The following ZNF45 variants were observed in gnomAD, a reference collection of about 807,000 sequenced individuals.
The protein encoded by ZNF45 is zinc finger protein 45.
ZNF45 carries 4 observed loss-of-function variants against 12.0 expected under a neutral mutation model. That is an observed-to-expected ratio of 0.33 (90% CI 0.16 to 0.76). The LOEUF (loss-of-function observed/expected upper bound fraction) is 0.76, where lower values mean the gene tolerates loss of function less well. Among genes scored for constraint, ZNF45 ranks in the 30% least tolerant of loss-of-function variants. The pLI is 0.60. For missense variants in ZNF45, 700 were observed against 813.0 expected, an observed-to-expected ratio of 0.86 and a Z score of 1.69; for synonymous variants, 272 against 279.6, an observed-to-expected ratio of 0.97 and a Z score of 0.27.
chr19:43,926,951 TAA>T (rs1973728477), intron 3 of ZNF45, among the ~76,000 whole-genome samples: 1 of 151,932 alleles, frequency 6.6e-6, no homozygotes, highest in African/African-American at 2.4e-5. Context: ...GAAAGGAGAG[TAA>T]AAAGATTCCT....
intron 8 of ZNF45, 71 bp from the exon 9 acceptor site, chr19:43,919,033 T>A: frequency 7.9e-7 from 1 of 1,272,268 alleles, no homozygotes; most frequent in Non-Finnish European, 1.1e-6. Context: ...ATTATTGTCC[T>A]CATTTCATCG....
intron 3 of ZNF45, 167 bp downstream of exon 3, chr19:43,932,437 T>C (rs1255300013): frequency 3.3e-5 from 5 of 152,180 alleles, no homozygotes; most frequent in Non-Finnish European, 7.3e-5. Context: ...TTATCCACAA[T>C]TGTTCATCAA....
At position 43,914,799 on chromosome 19, in the gene ZNF45, C is replaced by T. The variant is rs142251233; in HGVS notation, c.637G>A (p.Val213Ile). 1.2e-4 allele frequency: 201 copies of T among 1,613,850 alleles called. No homozygotes were observed. The highest frequency in any genetic ancestry group is 1.6e-4 in the Non-Finnish European group (183 of 1,179,932). Residue 213 changes from valine (V) to isoleucine (I), a missense_variant, in exon 10 of 10, where the codon GTC (valine) becomes ATC (isoleucine). Val to Ile is a conservative substitution (Grantham distance 29). Transcript: ENST00000269973. ...RFSSLQAHQR[V>I]HSRAKSYTND... Reference sequence around the variant, plus strand: ...GTGTATGATTTTGCTCTACTGTGGACTCTCTGATGGGCTTGAAGACTTGAA... The same window carrying T: ...GTGTATGATTTTGCTCTACTGTGGATTCTCTGATGGGCTTGAAGACTTGAA...
At chr19:43,923,309 C>T (rs1973364467) in intron 6 of ZNF45, among the ~76,000 whole-genome samples, 1 of 152,086 alleles carries the variant, frequency 6.6e-6, no homozygotes, top group Non-Finnish European at 1.5e-5. Flanking sequence ...CTGAAGTCAA[C>T]TATGGCCCAA....
intron 4 of ZNF45, 39 bp from the exon 5 acceptor site, chr19:43,924,600 A>C (rs1357315993): frequency 6.6e-6 from 1 of 152,218 alleles, no homozygotes; most frequent in Non-Finnish European, 1.5e-5. Context: ...CTAAGATCTC[A>C]TGGAAGGAGA....
chr19:43,933,264 T>A (rs981151107), intron 2 of ZNF45, among the ~76,000 whole-genome samples: 3 of 151,732 alleles, frequency 2.0e-5, no homozygotes, highest in Non-Finnish European at 2.9e-5. Context: ...TGAGGTCGAG[T>A]TTGAGACCAG....
intron 9 of ZNF45, among the ~76,000 whole-genome samples, chr19:43,917,604 G>GC (rs1848433099): frequency 1.3e-5 from 2 of 152,102 alleles, no homozygotes; most frequent in South Asian, 2.1e-4. Flanking sequence ...TCCTACCTCA[G>GC]CCCCCCAAGT....
chr19:43,933,827 G>C (rs11882181), intron 2 of ZNF45, among the ~76,000 whole-genome samples: 62,707 of 151,996 alleles, frequency 0.41, 13,832 homozygotes, highest in South Asian at 0.52. Context: ...TCTACATCCT[G>C]TACAGAGAAC....
intron 9 of ZNF45, among the ~76,000 whole-genome samples, chr19:43,916,612 T>C (rs1972699536): frequency 6.6e-6 from 1 of 152,234 alleles, no homozygotes; most frequent in Admixed American, 6.5e-5. Flanking sequence ...TTTTATATCA[T>C]TCACCACTTT....
chr19:43,913,647 ATC>A lies in ZNF45; in HGVS notation c.1787_1788del (p.Arg596IlefsTer19), dbSNP rs768662657. 6.2e-7 allele frequency: 1 copy of A among 1,613,350 alleles called. No individual in the cohort carries two copies. Among genetic ancestry groups the A allele is most frequent in the Non-Finnish European group, 8.5e-7 (1 of 1,179,934 alleles). ...ACCCTCTGGTGGGCTTGAAGGTAGGATCTCTGTCTGAAGCGCTTACCACACAC... is the reference window on the plus strand; with the variant it reads ...ACCCTCTGGTGGGCTTGAAGGTAGGATCTGTCTGAAGCGCTTACCACACAC... Reference protein sequence around the residue: ...CDVCGKRFRQRSYLQAHQRVH... With the variant: ...CDVCGKRFRQXSYLQAHQRVH... On this transcript the variant is annotated frameshift_variant, in exon 10 of 10. Coordinates refer to ENST00000269973, the MANE Select transcript of ZNF45 (RefSeq NM_003425.4). LOFTEE classifies it high-confidence loss of function.
Position 43,922,190 on chromosome 19 carries a change from T to G in ZNF45, c.-5A>C. On this transcript the variant is annotated 5_prime_UTR_variant, in exon 7 of 10. Transcript: ENST00000269973. ...ACTCACCTTAGACTTCGTCATTTTGTCCTCCTCCTTCTGGAGAAGTGCCAA... is the reference window on the plus strand; with the variant it reads ...ACTCACCTTAGACTTCGTCATTTTGGCCTCCTCCTTCTGGAGAAGTGCCAA... 6.2e-7 allele frequency: 1 copy of G among 1,608,944 alleles called. No homozygotes were observed. Among genetic ancestry groups the G allele is most frequent in the Non-Finnish European group, 8.5e-7 (1 of 1,176,634 alleles).
rs368057244 is a variant in ZNF45 at position 43,922,820 on chromosome 19, G to GTTTTT, written c.-32-608_-32-604dup. Among the ~76,000 whole-genome samples, 85 of 86,484 alleles carry GTTTTT rather than the reference G, an allele frequency of 9.8e-4. 1 individual carries two copies. Among genetic ancestry groups the GTTTTT allele is most frequent in the East Asian group, 2.1e-3 (6 of 2,812 alleles). 56.7% of individuals were successfully genotyped at this position (86,484 alleles called of 152,430 possible). On this transcript the variant is annotated intron_variant, in intron 6 of 9. Coordinates refer to ENST00000269973, the MANE Select transcript of ZNF45 (RefSeq NM_003425.4). ...AATGGTTTCTACCAATAAATTCTTT[G>GTTTTT]TTTTTTTTTTTTTTTTTTTTTTTGA...
intron 3 of ZNF45, among the ~76,000 whole-genome samples, chr19:43,930,638 C>G (rs1974060531): frequency 6.6e-6 from 1 of 152,274 alleles, no homozygotes; most frequent in East Asian, 1.9e-4. Flanking sequence ...CCCTAGAGCT[C>G]TCTATAAGAG....
intron 6 of ZNF45, among the ~76,000 whole-genome samples, chr19:43,923,582 G>T (rs1002477428): frequency 2.0e-5 from 3 of 151,998 alleles, no homozygotes; most frequent in Non-Finnish European, 4.4e-5. Context: ...GATAAGGGGG[G>T]ACTACTGTAC....
At chr19:43,917,031 C>A (rs1972740682) in intron 9 of ZNF45, among the ~76,000 whole-genome samples, 1 of 152,020 alleles carries the variant, frequency 6.6e-6, no homozygotes, top group Non-Finnish European at 1.5e-5. Context: ...TGAAAGCAGA[C>A]TATAAAAATG....
At chr19:43,916,213 CAAGTG>C (rs1487414738) in intron 9 of ZNF45, among the ~76,000 whole-genome samples, 1 of 152,084 alleles carries the variant, frequency 6.6e-6, no homozygotes, top group African/African-American at 2.4e-5. Flanking sequence ...CCTCCTGACT[CAAGTG>C]ATTCTCCTGC....
chr19:43,919,045 C>A, intron 8 of ZNF45, 83 bp from the exon 9 acceptor site: 1 of 1,085,006 alleles, frequency 9.2e-7, no homozygotes, highest in South Asian at 1.3e-5. Context: ...ATTTCATCGT[C>A]TTCAGGACAT....
chr19:43,929,262 C>CT (rs1293134182), intron 3 of ZNF45, among the ~76,000 whole-genome samples: 4 of 152,364 alleles, frequency 2.6e-5, no homozygotes, highest in Non-Finnish European at 2.9e-5. Flanking sequence ...TCACAGGGCC[C>CT]TGAAGGCCTA....
chr19:43,922,411 A>T (rs2146975905), intron 6 of ZNF45, 194 bp from the exon 7 acceptor site: 1 of 496,468 alleles, frequency 2.0e-6, no homozygotes, highest in Non-Finnish European at 3.6e-6. Context: ...CTTTGGCTGT[A>T]AGACCCTGGC....
Sources: gnomAD v4.1 joint callset for allele counts (sites outside exome capture counted in the v4.1 genomes callset) on GRCh38, gnomAD v4.1.1 for gene constraint, MANE v1.5 for transcripts, NCBI Gene and HGNC (gene_info 2026-07-23, HGNC 2026-07-21) for gene names.